GPC3: variants seen among roughly 807,000 people sequenced by gnomAD.
The protein encoded by GPC3 is glypican-3.
GPC3 carries 3 observed loss-of-function variants against 34.4 expected under a neutral mutation model. That is an observed-to-expected ratio of 0.09 (90% CI 0.04 to 0.23). GPC3 has a LOEUF of 0.23. Ranked by LOEUF, GPC3 falls within the 10% of genes least tolerant of loss-of-function variation. GPC3 has a pLI of 1.00. For missense variants in GPC3, 351 were observed against 445.6 expected, an observed-to-expected ratio of 0.79 and a Z score of 1.91; for synonymous variants, 177 against 174.0, an observed-to-expected ratio of 1.02 and a Z score of -0.13.
At chrX:133,982,012 G>A (rs911594436) in intron 1 of GPC3, among the ~76,000 whole-genome samples, 6 of 111,072 alleles carry the variant, frequency 5.4e-5, no homozygotes, top group Admixed American at 2.9e-4. Flanking sequence ...CCCCTCCCCC[G>A]ACAAAAGTGG....
rs770041862 is a variant in GPC3, at chrX:133,575,720, G to A, written c.1573+20720C>T. 3.6e-5 allele frequency among the ~76,000 whole-genome samples: 4 copies of A among 111,658 alleles called. No homozygotes were observed. The South Asian group carries it at 1.5e-3, about 43-fold the overall frequency. On this transcript the variant is annotated intron_variant, in intron 7 of 7. Coordinates refer to ENST00000370818, the MANE Select transcript of GPC3 (RefSeq NM_004484.4). ...GTCTAGGATATACTGAGGCCGGATGGTCATGGGGCACAAGAATGTACTGTG... is the reference window on the plus strand; with the variant it reads ...GTCTAGGATATACTGAGGCCGGATGATCATGGGGCACAAGAATGTACTGTG...
intron 2 of GPC3, among the ~76,000 whole-genome samples, chrX:133,927,427 T>C (rs747387349): frequency 9.0e-6 from 1 of 110,633 alleles, no homozygotes; most frequent in East Asian, 2.9e-4. Context: ...TTACAGTGTA[T>C]GCAGCTGACA....
intron 2 of GPC3, among the ~76,000 whole-genome samples, chrX:133,796,857 C>T (rs187381130): frequency 9.9e-5 from 11 of 111,334 alleles, no homozygotes; most frequent in African/African-American, 3.6e-4. Flanking sequence ...ACTTATTACT[C>T]CCCATAGTAC....
chrX:133,838,339 G>A (rs898372238), intron 2 of GPC3, among the ~76,000 whole-genome samples: 1 of 112,232 alleles, frequency 8.9e-6, no homozygotes, highest in Non-Finnish European at 1.9e-5. Context: ...TCACTTCCAT[G>A]TCTTACAAAT....
intron 3 of GPC3, among the ~76,000 whole-genome samples, chrX:133,716,164 C>T (rs887126206): frequency 1.8e-5 from 2 of 112,051 alleles, no homozygotes; most frequent in African/African-American, 6.5e-5. Context: ...CAATAACAAA[C>T]ACCAACAACA....
At chrX:133,789,511 C>T (rs996723709) in intron 2 of GPC3, among the ~76,000 whole-genome samples, 1 of 111,786 alleles carries the variant, frequency 8.9e-6, no homozygotes, top group African/African-American at 3.3e-5. Context: ...TGATCTATTG[C>T]TTCTTGCTTA....
intron 2 of GPC3, among the ~76,000 whole-genome samples, chrX:133,947,739 C>G (rs2076375205): frequency 8.9e-6 from 1 of 111,746 alleles, no homozygotes; most frequent in African/African-American, 3.3e-5. Flanking sequence ...AGAAATTCAC[C>G]CTTTTATAAT....
At position 133,545,670 on chromosome X, in the gene GPC3, C is replaced by A. The variant is rs8181240; in HGVS notation, c.1574-9377G>T. Among the ~76,000 whole-genome samples the A allele has an allele frequency of 0.024, 2,719 of 111,593 alleles. 185 individuals carry two copies. The East Asian group carries it at 0.38, about 16-fold the overall frequency. On this transcript the variant is annotated intron_variant, in intron 7 of 7. Coordinates refer to ENST00000370818, the MANE Select transcript of GPC3 (RefSeq NM_004484.4). ...TGCCACAACACCTCACCAGTCTGTA[C>A]AACCAAGTTTTGTTAGACGGTGCCT...
At chrX:133,633,145 T>C (rs1463510115) in intron 6 of GPC3, among the ~76,000 whole-genome samples, 22 of 112,080 alleles carry the variant, frequency 2.0e-4, no homozygotes, top group African/African-American at 3.2e-5. Context: ...ATATTAGTAT[T>C]CTCATTTCTA....
At chrX:133,563,045 A>G (rs1349465634) in intron 7 of GPC3, among the ~76,000 whole-genome samples, 1 of 111,769 alleles carries the variant, frequency 8.9e-6, no homozygotes, top group Non-Finnish European at 1.9e-5. Context: ...AAAAAGGACA[A>G]CTAAACTATG....
intron 2 of GPC3, among the ~76,000 whole-genome samples, chrX:133,756,377 A>G (rs1488495886): frequency 8.9e-6 from 1 of 112,557 alleles, no homozygotes; most frequent in Non-Finnish European, 1.9e-5. Context: ...AAATGGAAAC[A>G]TACTAGAAGA....
chrX:133,894,586 T>A (rs1051006764), intron 2 of GPC3, among the ~76,000 whole-genome samples: 2 of 112,131 alleles, frequency 1.8e-5, no homozygotes, highest in Non-Finnish European at 3.8e-5. Context: ...ACGCCTGTGG[T>A]CCTAGTACTT....
intron 2 of GPC3, among the ~76,000 whole-genome samples, chrX:133,946,519 C>T (rs986477395): frequency 1.8e-5 from 2 of 110,976 alleles, no homozygotes; most frequent in African/African-American, 6.6e-5. Context: ...CTCTAATCCT[C>T]ACCCAAGCCC....
chrX:133,866,778 A>G (rs2075969442), intron 2 of GPC3, among the ~76,000 whole-genome samples: 1 of 111,303 alleles, frequency 9.0e-6, no homozygotes, highest in Non-Finnish European at 1.9e-5. Flanking sequence ...TCTCTAGTCA[A>G]TCATCAAGAC....
At chrX:133,871,951 C>T (rs1276778592) in intron 2 of GPC3, among the ~76,000 whole-genome samples, 2 of 111,364 alleles carry the variant, frequency 1.8e-5, no homozygotes, top group Non-Finnish European at 3.8e-5. Context: ...CCACCCTCCC[C>T]ACCTTTTTAA....
intron 2 of GPC3, 118 bp from the exon 3 acceptor site, chrX:133,754,294 T>C: frequency 1.9e-6 from 1 of 539,821 alleles, no homozygotes; most frequent in Non-Finnish European, 3.0e-6. Context: ...CCCATTTGCG[T>C]TAAATAATTG....
At chrX:133,964,216 C>T (rs146559475) in intron 1 of GPC3, among the ~76,000 whole-genome samples, 2,684 of 111,815 alleles carry the variant, frequency 0.024, 43 homozygotes, top group Non-Finnish European at 0.038. Context: ...CCACTTTGCA[C>T]GCAAGTTGTA....
intron 5 of GPC3, among the ~76,000 whole-genome samples, chrX:133,687,383 GTTTTT>G (rs1189478107): frequency 2.0e-5 from 1 of 50,205 alleles, no homozygotes; most frequent in Non-Finnish European, 3.9e-5. Context: ...AATTATCAGA[GTTTTT>G]TTTTTTTTTT....
intron 2 of GPC3, among the ~76,000 whole-genome samples, chrX:133,828,847 GA>G (rs897528696): frequency 6.6e-4 from 69 of 104,689 alleles, no homozygotes; most frequent in African/African-American, 1.2e-3. Flanking sequence ...GTTCTTACCA[GA>G]AAAAAAAAAG....
Sources: allele counts gnomAD v4.1 joint callset (sites outside exome capture counted in the v4.1 genomes callset), GRCh38; gene constraint gnomAD v4.1.1; transcripts MANE v1.5; gene names NCBI Gene and HGNC (gene_info 2026-07-23, HGNC 2026-07-21).